Variants in RAPGEF1 observed in about 807,000 individuals in gnomAD.
RAPGEF1 encodes CRK SH3-binding GNRP.
A neutral mutation model predicts 143.3 loss-of-function variants in RAPGEF1; 33 were observed. The ratio of observed to expected loss-of-function variants is 0.23; its 90% CI spans 0.17 to 0.31. The LOEUF (loss-of-function observed/expected upper bound fraction) is 0.31. Ranked by LOEUF, RAPGEF1 falls within the 10% of genes least tolerant of loss-of-function variation. RAPGEF1 has a pLI of 1.00. For missense variants in RAPGEF1, 1,199 were observed against 1,645.4 expected (o/e 0.73, Z 4.69); for synonymous variants, 629 against 676.5 (o/e 0.93, Z 1.09).
chr9:131,583,040 G>A lies in RAPGEF1; in HGVS notation c.3415-338C>T, dbSNP rs578000725. ...GGGCTCCTGCCTGGCCCTGTTCGGC[G>A]GTGCAGCCAGAGGAGCTTCCCAGGC... On this transcript the variant is annotated intron_variant, in intron 24 of 26. Coordinates refer to ENST00000683357, the MANE Select transcript of RAPGEF1 (RefSeq NM_001377935.1). The surrounding 1 kb of genome is among the most constrained non-coding windows in gnomAD (Gnocchi z 4.7). Among the ~76,000 whole-genome samples, 366 of 152,286 alleles carry A rather than the reference G, an allele frequency of 2.4e-3. 1 individual carries two copies. Among genetic ancestry groups the A allele is most frequent in the Admixed American group, 6.7e-3 (103 of 15,304 alleles).
At chr9:131,728,385 T>C (rs1300907129) in intron 1 of RAPGEF1, among the ~76,000 whole-genome samples, 1 of 152,156 alleles carries the variant, frequency 6.6e-6, no homozygotes, top group Non-Finnish European at 1.5e-5. Context: ...AAGGAGAAAC[T>C]GGGGAGGTGT....
intron 16 of RAPGEF1, among the ~76,000 whole-genome samples, chr9:131,597,629 C>T (rs1230878767): frequency 6.6e-6 from 1 of 152,210 alleles, no homozygotes; most frequent in Non-Finnish European, 1.5e-5. Context: ...TGCTTCCTCT[C>T]CACTCTCACA....
intron 17 of RAPGEF1, among the ~76,000 whole-genome samples, chr9:131,595,124 C>T (rs1213115254): frequency 6.6e-6 from 1 of 152,250 alleles, no homozygotes; most frequent in African/African-American, 2.4e-5. Context: ...TTCACCCCTT[C>T]AACAAGTGGA....
rs1277357692 is a variant in RAPGEF1 at position 131,705,509 on chromosome 9, C to A, written c.61+34261G>T. Among the ~76,000 whole-genome samples, 3 of 152,214 alleles carry A rather than the reference C, an allele frequency of 2.0e-5. No individual in the cohort carries two copies. The East Asian group carries it at 5.8e-4, about 29-fold the overall frequency. Reference sequence around the variant, plus strand: ...GGTCAAAGAGCAGGCTGGGCCACAGCTCTGGCTGGAACTCTCAGGGTCACA... The same window carrying A: ...GGTCAAAGAGCAGGCTGGGCCACAGATCTGGCTGGAACTCTCAGGGTCACA... On this transcript the variant is annotated intron_variant, in intron 1 of 26. Transcript: ENST00000683357.
chr9:131,726,899 G>A (rs757521702), intron 1 of RAPGEF1, among the ~76,000 whole-genome samples: 23 of 152,096 alleles, frequency 1.5e-4, no homozygotes, highest in Non-Finnish European at 2.6e-4. Context: ...AGCTACTCAA[G>A]AGGCTGAAAT....
intron 17 of RAPGEF1, among the ~76,000 whole-genome samples, chr9:131,593,574 G>A (rs537730235): frequency 6.6e-6 from 1 of 152,164 alleles, no homozygotes; most frequent in East Asian, 1.9e-4. Context: ...GAATCTCGAG[G>A]AACCCACATC....
At chr9:131,662,794 C>T (rs1237159667) in intron 1 of RAPGEF1, among the ~76,000 whole-genome samples, 1 of 152,068 alleles carries the variant, frequency 6.6e-6, no homozygotes, top group Non-Finnish European at 1.5e-5. Flanking sequence ...CTGCCTGTCT[C>T]GGCCTCCCAA....
At position 131,667,693 on chromosome 9, in the gene RAPGEF1, A is replaced by G. The variant is rs1473161298; in HGVS notation, c.62-16744T>C. ...CATGGGGCAAACAGAAGTGGCACTC[A>G]TCTCTACACGTGGCCTAGGGCAGCC... On this transcript the variant is annotated intron_variant, in intron 1 of 26. Transcript: ENST00000683357. The surrounding 1 kb of genome is among the most constrained non-coding windows in gnomAD (Gnocchi z 4.6). Among the ~76,000 whole-genome samples, 1 of 152,162 alleles carries G rather than the reference A, an allele frequency of 6.6e-6. No homozygotes were observed. The highest frequency in any genetic ancestry group is 1.5e-5 in the Non-Finnish European group (1 of 68,012).
At position 131,626,438 on chromosome 9, in the gene RAPGEF1, G is replaced by A; in HGVS notation, c.1202-16C>T. On this transcript the variant is annotated splice_polypyrimidine_tract_variant and intron_variant, in intron 9 of 26. Coordinates refer to ENST00000683357, the MANE Select transcript of RAPGEF1 (RefSeq NM_001377935.1). ...TCATAGTGGTCTGCAGTTACAACAG[G>A]GGAAAAAGAGACCCGTTAGCCACAG... The A allele has an allele frequency of 1.3e-6, 2 of 1,546,192 alleles. No homozygotes were observed. Among genetic ancestry groups the A allele is most frequent in the Admixed American group, 2.0e-5 (1 of 50,046 alleles).
chr9:131,623,683 C>T (rs2132909897), intron 10 of RAPGEF1, among the ~76,000 whole-genome samples: 1 of 152,318 alleles, frequency 6.6e-6, no homozygotes. Flanking sequence ...GTGCTCAGGG[C>T]CTGGGACTGT....
intron 12 of RAPGEF1, among the ~76,000 whole-genome samples, chr9:131,610,848 G>A (rs1957930512): frequency 6.6e-6 from 1 of 152,172 alleles, no homozygotes; most frequent in South Asian, 2.1e-4. Flanking sequence ...AAGCTTATCT[G>A]ATTTGATTCT....
intron 13 of RAPGEF1, among the ~76,000 whole-genome samples, chr9:131,604,495 C>T (rs1257053543): frequency 2.0e-5 from 3 of 152,226 alleles, no homozygotes; most frequent in Admixed American, 1.3e-4. Flanking sequence ...CTTCTGTCAT[C>T]GGCACCACAT....
rs563599036 is a variant in RAPGEF1, at chr9:131,673,973, A to G, written c.62-23024T>C. On this transcript the variant is annotated intron_variant, in intron 1 of 26. Coordinates refer to ENST00000683357, the MANE Select transcript of RAPGEF1 (RefSeq NM_001377935.1). ...CGGAGAGCTAGTAGACGTTTTTGCA[A>G]ATGCATGACAATCCGTGGACTGAAT... Among the ~76,000 whole-genome samples, 298 of 152,310 alleles carry G rather than the reference A, an allele frequency of 2.0e-3. 1 individual carries two copies. Among genetic ancestry groups the G allele is most frequent in the African/African-American group, 6.7e-3 (279 of 41,574 alleles).
intron 1 of RAPGEF1, among the ~76,000 whole-genome samples, chr9:131,663,909 G>A (rs1830008996): frequency 6.6e-6 from 1 of 152,146 alleles, no homozygotes; most frequent in African/African-American, 2.4e-5. Context: ...TGATCCTTAT[G>A]TGAATCTTTA....
chr9:131,672,969 T>A (rs576638052), intron 1 of RAPGEF1, among the ~76,000 whole-genome samples: 52 of 152,228 alleles, frequency 3.4e-4, no homozygotes, highest in African/African-American at 1.2e-3. Flanking sequence ...GTGACAGACA[T>A]AAGAACCAGG....
chr9:131,650,713 C>G lies in RAPGEF1; in HGVS notation c.201+97G>C. 1 of 1,509,356 alleles carries G rather than the reference C, an allele frequency of 6.6e-7. No individual in the cohort carries two copies. Among genetic ancestry groups the G allele is most frequent in the Non-Finnish European group, 9.0e-7 (1 of 1,115,264 alleles). 93.5% of individuals were successfully genotyped at this position (1,509,356 alleles called of 1,614,324 possible). ...AATGCTACGAAGTAGGTATGATGCACTGAAAGCTCAATCCCCAGGGAGGGA... is the reference window on the plus strand; with the variant it reads ...AATGCTACGAAGTAGGTATGATGCAGTGAAAGCTCAATCCCCAGGGAGGGA... On this transcript the variant is annotated intron_variant, in intron 2 of 26. Coordinates refer to ENST00000683357, the MANE Select transcript of RAPGEF1 (RefSeq NM_001377935.1). This position sits in a 1 kb window ranked among gnomAD's most constrained non-coding sequence, Gnocchi z 4.7.
At position 131,695,503 on chromosome 9, in the gene RAPGEF1, T is replaced by C. The variant is rs192998086; in HGVS notation, c.61+44267A>G. 6.8e-4 allele frequency among the ~76,000 whole-genome samples: 104 copies of C among 152,322 alleles called. 1 individual carries two copies. The highest frequency in any genetic ancestry group is 2.3e-3 in the African/African-American group (96 of 41,576). On this transcript the variant is annotated intron_variant, in intron 1 of 26. Transcript: ENST00000683357. ...AGCTCTCCCCAGATTGCAAGCGCAC[T>C]GCTGTGTTACAGCAGAGGCCACACT...
intron 1 of RAPGEF1, among the ~76,000 whole-genome samples, chr9:131,699,085 GA>G (rs1447917107): frequency 6.6e-6 from 1 of 151,962 alleles, no homozygotes; most frequent in Admixed American, 6.6e-5. Context: ...CACCCTTTAT[GA>G]AAAAACTTTC....
intron 5 of RAPGEF1, among the ~76,000 whole-genome samples, chr9:131,631,655 G>A (rs551381416): frequency 1.3e-5 from 2 of 152,348 alleles, no homozygotes; most frequent in South Asian, 4.1e-4. Flanking sequence ...CTGAACCAGC[G>A]GCTGCCAAGC....
Sources: allele counts gnomAD v4.1 joint callset (sites outside exome capture counted in the v4.1 genomes callset), GRCh38; gene constraint gnomAD v4.1.1; non-coding constraint Gnocchi (gnomAD v3.1); transcripts MANE v1.5; gene names NCBI Gene and HGNC (gene_info 2026-07-23, HGNC 2026-07-21).